MYO15A: variants seen among roughly 807,000 people sequenced by gnomAD.
MYO15A encodes unconventional myosin-XV.
MYO15A carries 308 observed loss-of-function variants against 394.6 expected under a neutral mutation model. The observed-to-expected ratio is 0.78, with a 90% CI of 0.71 to 0.86. The LOEUF (loss-of-function observed/expected upper bound fraction) is 0.86. MYO15A is among the 40% of genes least tolerant of loss of function. The pLI, the probability that MYO15A is intolerant of heterozygous loss-of-function variation, is 0.00. For missense variants in MYO15A, 4,606 were observed against 4,799.1 expected (o/e 0.96, Z 1.19); for synonymous variants, 1,957 against 2,003.8 (o/e 0.98, Z 0.62).
In MYO15A at chr17:18,153,713, A is replaced by G; in HGVS notation, c.7967-62A>G. ...AACTCCGTCTCAAAAATATATATAT[A>G]TATTAATTAAATAAAAAAACGAGGT... On this transcript the variant is annotated intron_variant, in intron 42 of 65. Coordinates refer to ENST00000647165, the MANE Select transcript of MYO15A (RefSeq NM_016239.4). This position sits in a 1 kb window ranked among gnomAD's most constrained non-coding sequence, Gnocchi z 4.1. 2 of 1,483,508 alleles carry G rather than the reference A, an allele frequency of 1.3e-6. No homozygotes were observed. Among genetic ancestry groups the G allele is most frequent in the Non-Finnish European group, 1.8e-6 (2 of 1,107,640 alleles). The allele number at this position is 1,483,508 out of a possible 1,614,324, so 91.9% of individuals were successfully genotyped here. A position where few individuals can be genotyped will look rare whatever the true frequency, so the allele number is the denominator to read the frequency against.
chr17:18,168,971 G>A (rs1010451197), intron 62 of MYO15A, among the ~76,000 whole-genome samples: 1 of 151,176 alleles, frequency 6.6e-6, no homozygotes, highest in African/African-American at 2.4e-5. Flanking sequence ...AAATTAGCCA[G>A]AGGTAGTGGC....
intron 47 of MYO15A, among the ~76,000 whole-genome samples, 171 bp downstream of exon 47, chr17:18,155,603 A>C (rs1328492289): frequency 6.6e-6 from 1 of 152,108 alleles, no homozygotes; most frequent in East Asian, 1.9e-4. Flanking sequence ...TCAGAGAGAG[A>C]AGTTGTTTGT....
chr17:18,144,919 C>T (rs533308731), intron 29 of MYO15A, among the ~76,000 whole-genome samples: 1 of 152,198 alleles, frequency 6.6e-6, no homozygotes, highest in Non-Finnish European at 1.5e-5. Flanking sequence ...AGCCAGTGAC[C>T]ACCAGTATGG....
In MYO15A at chr17:18,147,996, T is replaced by C. The variant is rs189566783; in HGVS notation, c.6510-33T>C. 667 of 1,613,726 alleles carry C rather than the reference T, an allele frequency of 4.1e-4. No individual in the cohort carries two copies. The highest frequency in any genetic ancestry group is 1.3e-3 in the Admixed American group (81 of 60,024). On this transcript the variant is annotated intron_variant, in intron 30 of 65. Coordinates refer to ENST00000647165, the MANE Select transcript of MYO15A (RefSeq NM_016239.4). The surrounding 1 kb of genome is among the most constrained non-coding windows in gnomAD (Gnocchi z 4.4). ...TCAGCCCCAAGCTAGCTTCAGATCC[T>C]TCTTGATCCTGGCTCCAACTCCTAC...
rs1345343552 is a variant in MYO15A at position 18,117,101 on chromosome 17, C to T, written c.-219-1481C>T. Among the ~76,000 whole-genome samples the T allele has an allele frequency of 6.6e-6, 1 of 152,186 alleles. No homozygotes were observed. Among genetic ancestry groups the T allele is most frequent in the Non-Finnish European group, 1.5e-5 (1 of 68,032 alleles). On this transcript the variant is annotated intron_variant, in intron 1 of 65. Transcript: ENST00000647165. The surrounding 1 kb of genome is among the most constrained non-coding windows in gnomAD (Gnocchi z 4.1). The stretch of plus-strand genomic sequence containing the variant: ...GCTCCAAAAGCCCTCCATCCAATTT[C>T]TCTGGTTTCCATCAAGCCCCACTCC...
chr17:18,126,954 G>A, intron 6 of MYO15A, 89 bp downstream of exon 6: 1 of 1,596,232 alleles, frequency 6.3e-7, no homozygotes, highest in Non-Finnish European at 8.6e-7. Context: ...GACCTTGGAA[G>A]ATTGCCTGGT....
At position 18,158,426 on chromosome 17, in the gene MYO15A, T is replaced by G; in HGVS notation, c.8968-97T>G. On this transcript the variant is annotated intron_variant, in intron 51 of 65. Transcript: ENST00000647165. ...TGGGTGGGTGGGCGGCTTGAGAATC[T>G]GGGTCCAGTCAGCTAGGGGTTGCGT... The G allele has an allele frequency of 3.7e-6, 4 of 1,083,782 alleles. No individual in the cohort carries two copies. The South Asian group carries it at 5.4e-5, about 15-fold the overall frequency. The allele number at this position is 1,083,782 out of a possible 1,614,324, so 67.1% of individuals were successfully genotyped here.
rs867115974 is a variant in MYO15A at position 18,126,250 on chromosome 17, C to T, written c.3757-97C>T. 5.5e-5 allele frequency: 56 copies of T among 1,026,004 alleles called. No homozygotes were observed. The Middle Eastern group carries it at 6.2e-4, about 11-fold the overall frequency. 63.6% of individuals were successfully genotyped at this position (1,026,004 alleles called of 1,614,324 possible). A position where few individuals can be genotyped will look rare whatever the true frequency, so the allele number is the denominator to read the frequency against. On this transcript the variant is annotated intron_variant, in intron 4 of 65. Coordinates refer to ENST00000647165, the MANE Select transcript of MYO15A (RefSeq NM_016239.4). Reference sequence around the variant, plus strand: ...GAGTCCAGGCAGCCAGATATCTGTCCGGATGGAAACAGGGAGCCAGGCTCC... The same window carrying T: ...GAGTCCAGGCAGCCAGATATCTGTCTGGATGGAAACAGGGAGCCAGGCTCC...
At chr17:18,124,860 C>T in intron 3 of MYO15A, 1 of 584,800 alleles carries the variant, frequency 1.7e-6, no homozygotes, top group South Asian at 2.0e-5. Flanking sequence ...AGGATGCCAG[C>T]ACATTGGAGG....
intron 10 of MYO15A, among the ~76,000 whole-genome samples, 158 bp downstream of exon 10, chr17:18,131,689 AC>A (rs2046170781): frequency 6.6e-6 from 1 of 150,784 alleles, no homozygotes; most frequent in South Asian, 2.1e-4. Flanking sequence ...CCCCTCCCCG[AC>A]CCTCCTCCAG....
At chr17:18,137,532 C>T in intron 15 of MYO15A, 52 bp from the exon 16 acceptor site, 1 of 1,563,662 alleles carries the variant, frequency 6.4e-7, no homozygotes, top group South Asian at 1.1e-5. Flanking sequence ...TAGGGGCAAA[C>T]AGGCTGGTGG....
chr17:18,119,743 C>G lies in MYO15A; in HGVS notation c.943C>G (p.Pro315Ala). 6.2e-7 allele frequency: 1 copy of G among 1,612,816 alleles called. No homozygotes were observed. The highest frequency in any genetic ancestry group is 1.1e-5 in the South Asian group (1 of 91,086). Residue 315 changes from proline to alanine, a missense_variant, in exon 2 of 66, where the codon CCA becomes GCA. Physicochemically the swap from Pro to Ala is conservative, Grantham distance 27 (BLOSUM62 -1). This residue lies in a region of MYO15A where 1,830 missense variants were observed against 1,689.7 expected (regional missense o/e 1.08). Coordinates refer to ENST00000647165, the MANE Select transcript of MYO15A (RefSeq NM_016239.4). ...YGYGYDDYEP[P>A]YAPPSGYSSP... ...CTACGGCTACGACGATTACGAACCC[C>G]CATATGCGCCCCCGTCGGGGTACTC...
chr17:18,112,853 A>G (rs200577713), intron 1 of MYO15A, among the ~76,000 whole-genome samples: 1 of 33,424 alleles, frequency 3.0e-5, no homozygotes, highest in Non-Finnish European at 8.8e-5. Flanking sequence ...CTGTATTATT[A>G]TTATTTTTTT....
At chr17:18,133,677 C>T (rs2046210755) in intron 12 of MYO15A, among the ~76,000 whole-genome samples, 1 of 152,054 alleles carries the variant, frequency 6.6e-6, no homozygotes. Flanking sequence ...GGGTCTCACT[C>T]TGTCACCCAG....
chr17:18,120,057 G>A lies in MYO15A; in HGVS notation c.1257G>A (p.Pro419=). Residue 419 remains proline, a synonymous_variant, in exon 2 of 66, where the codon CCG becomes CCA. Transcript: ENST00000647165. ...ACCCCTGGGTACCACCGCCCATCCC[G>A]TCGCCCCACAACCCGTATGCCCACG... ...FVYPWVPPPI[P]SPHNPYAHAM... The A allele has an allele frequency of 6.2e-7, 1 of 1,613,364 alleles. No individual in the cohort carries two copies. The highest frequency in any genetic ancestry group is 8.5e-7 in the Non-Finnish European group (1 of 1,179,922).
In MYO15A at chr17:18,121,428, C is replaced by T. The variant is rs1173391217; in HGVS notation, c.2628C>T (p.Ser876=). 1.1e-5 allele frequency: 17 copies of T among 1,544,874 alleles called. No individual in the cohort carries two copies. Among genetic ancestry groups the T allele is most frequent in the Non-Finnish European group, 1.4e-5 (16 of 1,146,262 alleles). ...TCCCGCACACGTGGCGGCGCCTCAGCGAGCCACCCACTCGGGCTGTGAAGC... is the reference window on the plus strand; with the variant it reads ...TCCCGCACACGTGGCGGCGCCTCAGTGAGCCACCCACTCGGGCTGTGAAGC... The part of the protein sequence containing the change: ...SRLPHTWRRL[S]EPPTRAVKPQ... The change falls in exon 2 of 66, where the codon AGC becomes AGT. Residue 876 remains serine (S), a synonymous_variant. Coordinates refer to ENST00000647165, the MANE Select transcript of MYO15A (RefSeq NM_016239.4). The surrounding 1 kb of genome is among the most constrained non-coding windows in gnomAD (Gnocchi z 5.3).
intron 1 of MYO15A, among the ~76,000 whole-genome samples, chr17:18,115,882 CT>C (rs2045777687): frequency 6.6e-6 from 1 of 152,206 alleles, no homozygotes; most frequent in African/African-American, 2.4e-5. Context: ...CCCTGACTTC[CT>C]GTTTAATGTC....
intron 61 of MYO15A, among the ~76,000 whole-genome samples, chr17:18,167,225 G>T (rs1313164375): frequency 6.6e-6 from 1 of 152,144 alleles, no homozygotes; most frequent in Admixed American, 6.5e-5. Context: ...ACCCTCAGGA[G>T]CCCAGCCTGG....
intron 22 of MYO15A, 110 bp downstream of exon 22, chr17:18,141,253 G>A (rs2046374234): frequency 6.7e-7 from 1 of 1,501,522 alleles, no homozygotes; most frequent in Admixed American, 1.8e-5. Context: ...CAGTTGCTCA[G>A]GTTGTACACT....
Sources: allele counts gnomAD v4.1 joint callset (sites outside exome capture counted in the v4.1 genomes callset), GRCh38; gene constraint gnomAD v4.1.1; regional missense constraint gnomAD v4.1.1; non-coding constraint Gnocchi (gnomAD v3.1); transcripts MANE v1.5; gene names NCBI Gene and HGNC (gene_info 2026-07-23, HGNC 2026-07-21).